Variants in QSOX1 observed in about 807,000 individuals in gnomAD.
QSOX1 encodes sulfhydryl oxidase 1.
A neutral mutation model predicts 76.1 loss-of-function variants in QSOX1; 40 were observed. That is an observed-to-expected ratio of 0.53 (90% CI 0.41 to 0.68). QSOX1 has a LOEUF of 0.68. Among genes scored for constraint, QSOX1 ranks in the 30% least tolerant of loss-of-function variants. The pLI is 0.00. For missense variants in QSOX1, 931 were observed against 974.3 expected (o/e 0.96, Z 0.59); for synonymous variants, 392 against 413.1 (o/e 0.95, Z 0.62).
chr1:180,195,675 C>G (rs987728814), intron 11 of QSOX1, among the ~76,000 whole-genome samples: 55 of 152,226 alleles, frequency 3.6e-4, no homozygotes, highest in East Asian at 1.9e-3. Flanking sequence ...AGGTCTCCCC[C>G]CAACTATCCC....
chr1:180,166,435 C>T (rs748983674), intron 1 of QSOX1, 56 bp from the exon 2 acceptor site: 31 of 1,412,524 alleles, frequency 2.2e-5, no homozygotes, highest in Middle Eastern at 2.1e-4. Context: ...GGGAGATGGG[C>T]GGGCAGAGGG....
rs942143523 is a variant in QSOX1, at chr1:180,200,159, C to T, written c.*3122C>T. On this transcript the variant is annotated 3_prime_UTR_variant, in exon 12 of 12. Coordinates refer to ENST00000367602, the MANE Select transcript of QSOX1 (RefSeq NM_002826.5). ...GGGTTTGAATCCAGCTTCCAACACT[C>T]ACTGGCTGTGTGACTTTGGGCAAGA... 1.3e-5 allele frequency: 2 copies of T among 152,254 alleles called. No individual in the cohort carries two copies. The highest frequency in any genetic ancestry group is 2.4e-5 in the African/African-American group (1 of 41,450). The allele number at this position is 152,254 out of a possible 1,614,324, so 9.4% of individuals were successfully genotyped here.
At chr1:180,174,182 G>A (rs1042516616) in intron 2 of QSOX1, among the ~76,000 whole-genome samples, 1 of 152,260 alleles carries the variant, frequency 6.6e-6, no homozygotes, top group African/African-American at 2.4e-5. Context: ...CAGTTCAGTG[G>A]CCGGCTTCCA....
chr1:180,172,867 G>C (rs1009605718), intron 2 of QSOX1, among the ~76,000 whole-genome samples: 1 of 151,896 alleles, frequency 6.6e-6, no homozygotes, highest in Non-Finnish European at 1.5e-5. Context: ...TTTTAATATG[G>C]GCACCTGCTC....
chr1:180,181,066 AGCT>A (rs1663021739), intron 5 of QSOX1, among the ~76,000 whole-genome samples: 1 of 152,212 alleles, frequency 6.6e-6, no homozygotes, highest in African/African-American at 2.4e-5. Flanking sequence ...TCCTGAGAAT[AGCT>A]GCTATTTCAG....
chr1:180,181,172 TA>T (rs1281740820), intron 5 of QSOX1, among the ~76,000 whole-genome samples: 1 of 152,000 alleles, frequency 6.6e-6, no homozygotes, highest in Non-Finnish European at 1.5e-5. Context: ...TATTTCTTTC[TA>T]AAAAAAATAA....
chr1:180,191,528 A>T (rs1663312487), intron 10 of QSOX1, among the ~76,000 whole-genome samples: 1 of 152,276 alleles, frequency 6.6e-6, no homozygotes, highest in South Asian at 2.1e-4. Flanking sequence ...CATCTCCACC[A>T]TGCCATGTGG....
chr1:180,198,427 C>T lies in QSOX1; in HGVS notation c.*1390C>T, dbSNP rs895671687. 11 of 455,452 alleles carry T rather than the reference C, an allele frequency of 2.4e-5. No homozygotes were observed. The highest frequency in any genetic ancestry group is 1.4e-4 in the African/African-American group (7 of 50,036). 28.2% of individuals were successfully genotyped at this position (455,452 alleles called of 1,614,324 possible). ...AGGATTAGAGAGCCTGCCCCTAATCCGGCCTGCTGGGTTTTACAAGGATCA... is the reference window on the plus strand; with the variant it reads ...AGGATTAGAGAGCCTGCCCCTAATCTGGCCTGCTGGGTTTTACAAGGATCA... On this transcript the variant is annotated 3_prime_UTR_variant, in exon 12 of 12. Transcript: ENST00000367602.
intron 2 of QSOX1, among the ~76,000 whole-genome samples, chr1:180,171,419 G>C (rs1468265953): frequency 2.0e-5 from 3 of 151,954 alleles, no homozygotes; most frequent in African/African-American, 7.3e-5. Flanking sequence ...GGTTGAGAGA[G>C]GGGTGATTCA....
At position 180,168,187 on chromosome 1, in the gene QSOX1, G is replaced by A. The variant is rs1662675387; in HGVS notation, c.366+1596G>A. On this transcript the variant is annotated intron_variant, in intron 2 of 11. Coordinates refer to ENST00000367602, the MANE Select transcript of QSOX1 (RefSeq NM_002826.5). ...CCCAGGAGGTCAGAGGCTCCTCAGC[G>A]CCACCCCATGTCACGCAGCGCACGC... 4.6e-5 allele frequency among the ~76,000 whole-genome samples: 7 copies of A among 152,238 alleles called. No individual in the cohort carries two copies. The South Asian group carries it at 1.5e-3, about 32-fold the overall frequency.
In QSOX1 at chr1:180,189,743, G is replaced by C. The variant is rs888103489; in HGVS notation, c.1140+69G>C. On this transcript the variant is annotated intron_variant, in intron 9 of 11. Transcript: ENST00000367602. ...TATGAGAGTGCAAGGGGTTAACCCT[G>C]TCATTTCTGACCTTCTTCGCCAGTT... 38 of 1,521,972 alleles carry C rather than the reference G, an allele frequency of 2.5e-5. 1 individual carries two copies. The highest frequency in any genetic ancestry group is 6.9e-5 in the African/African-American group (5 of 72,220). The allele number at this position is 1,521,972 out of a possible 1,614,324, so 94.3% of individuals were successfully genotyped here. A position where few individuals can be genotyped will look rare whatever the true frequency, so the allele number is the denominator to read the frequency against.
chr1:180,196,751 C>T lies in QSOX1; in HGVS notation c.1958C>T (p.Ala653Val), dbSNP rs762819622. ...CGAGACACAGGGGCTGCATTGCTGGCTGAGTCCAGGGCTGAGAAGAACCGC... is the reference window on the plus strand; with the variant it reads ...CGAGACACAGGGGCTGCATTGCTGGTTGAGTCCAGGGCTGAGAAGAACCGC... ...SKRDTGAALL[A>V]ESRAEKNRLW... Residue 653 changes from alanine (A) to valine (V), a missense_variant, in exon 12 of 12, where the codon GCT (alanine) becomes GTT (valine). Physicochemically the swap from Ala to Val is moderately conservative, Grantham distance 64 (BLOSUM62 0). Transcript: ENST00000367602. The surrounding 1 kb of genome is among the most constrained non-coding windows in gnomAD (Gnocchi z 4.1). 1.2e-6 allele frequency: 2 copies of T among 1,614,142 alleles called. No homozygotes were observed. The highest frequency in any genetic ancestry group is 2.2e-5 in the South Asian group (2 of 91,090).
At chr1:180,182,425 C>T (rs768291912) in intron 6 of QSOX1, 106 bp downstream of exon 6, 10 of 1,440,658 alleles carry the variant, frequency 6.9e-6, no homozygotes, top group African/African-American at 2.8e-5. Context: ...CATGTTCTTT[C>T]TGAAGAGCCC....
rs968066380 is a variant in QSOX1, at chr1:180,196,057, G to A, written c.1469-205G>A. Among the ~76,000 whole-genome samples, 3 of 152,144 alleles carry A rather than the reference G, an allele frequency of 2.0e-5. No homozygotes were observed. Among genetic ancestry groups the A allele is most frequent in the Non-Finnish European group, 2.9e-5 (2 of 68,018 alleles). Reference sequence around the variant, plus strand: ...CCGGGGCTGAGGGGTAGGTGGATCTGCCTCCTCCTCCATGCTGCCATCTGT... The same window carrying A: ...CCGGGGCTGAGGGGTAGGTGGATCTACCTCCTCCTCCATGCTGCCATCTGT... On this transcript the variant is annotated intron_variant, in intron 11 of 11. Coordinates refer to ENST00000367602, the MANE Select transcript of QSOX1 (RefSeq NM_002826.5). This position sits in a 1 kb window ranked among gnomAD's most constrained non-coding sequence, Gnocchi z 4.1.
At chr1:180,174,426 C>T (rs1662832141) in intron 2 of QSOX1, among the ~76,000 whole-genome samples, 1 of 152,232 alleles carries the variant, frequency 6.6e-6, no homozygotes, top group Non-Finnish European at 1.5e-5. Flanking sequence ...CCCAGGGACT[C>T]AGGTCCCCGC....
rs1333967488 is a variant in QSOX1, at chr1:180,196,426, C to G, written c.1633C>G (p.Pro545Ala). 2 of 1,614,194 alleles carry G rather than the reference C, an allele frequency of 1.2e-6. No homozygotes were observed. The highest frequency in any genetic ancestry group is 1.6e-4 in the Middle Eastern group (1 of 6,062). ...FSPSNIILDF[P>A]AAGSAARRDV... ...CCCAAGCAACATCATCCTGGACTTCCCTGCAGCTGGGTCAGCTGCCCGGAG... is the reference window on the plus strand; with the variant it reads ...CCCAAGCAACATCATCCTGGACTTCGCTGCAGCTGGGTCAGCTGCCCGGAG... The change falls in exon 12 of 12, where the codon CCT (proline) becomes GCT (alanine). Residue 545 changes from proline to alanine, a missense_variant. Pro to Ala is a conservative substitution (Grantham distance 27, BLOSUM62 -1). Coordinates refer to ENST00000367602, the MANE Select transcript of QSOX1 (RefSeq NM_002826.5). The surrounding 1 kb of genome is among the most constrained non-coding windows in gnomAD (Gnocchi z 4.1).
chr1:180,163,686 A>G (rs1662544720), intron 1 of QSOX1, among the ~76,000 whole-genome samples: 1 of 152,370 alleles, frequency 6.6e-6, no homozygotes, highest in East Asian at 1.9e-4. Context: ...TTTAACGTAA[A>G]ATAACCGTAA....
chr1:180,190,021 G>A (rs1663270758), intron 9 of QSOX1, among the ~76,000 whole-genome samples: 1 of 152,204 alleles, frequency 6.6e-6, no homozygotes. Flanking sequence ...ACTACCCTGT[G>A]CTGCCTCTTA....
rs553544113 is a variant in QSOX1 at position 180,184,143 on chromosome 1, T to C, written c.887+93T>C. The C allele has an allele frequency of 8.2e-6, 12 of 1,467,064 alleles. 1 individual carries two copies. The East Asian group carries it at 2.3e-4, about 28-fold the overall frequency. The allele number at this position is 1,467,064 out of a possible 1,614,324, so 90.9% of individuals were successfully genotyped here. On this transcript the variant is annotated intron_variant, in intron 7 of 11. Coordinates refer to ENST00000367602, the MANE Select transcript of QSOX1 (RefSeq NM_002826.5). ...CCCACGCCCTCTTGCTCATTCTTCT[T>C]CCTTGTCATATGATTAGTGTGTACA...
Sources: gnomAD v4.1 joint callset for allele counts (sites outside exome capture counted in the v4.1 genomes callset) on GRCh38, gnomAD v4.1.1 for gene constraint, Gnocchi (gnomAD v3.1) non-coding constraint, MANE v1.5 for transcripts, NCBI Gene and HGNC (gene_info 2026-07-23, HGNC 2026-07-21) for gene names.